Variants in BLCAP observed in about 807,000 individuals in gnomAD.
BLCAP encodes BLCAP apoptosis inducing factor.
In BLCAP, 1 loss-of-function variant was observed where a neutral mutation model predicts 5.7. The ratio of observed to expected loss-of-function variants is 0.18; its 90% confidence interval spans 0.06 to 0.83. BLCAP has a LOEUF of 0.83. Ranked by LOEUF, BLCAP falls within the 40% of genes least tolerant of loss-of-function variation. The pLI, the probability that BLCAP is intolerant of heterozygous loss-of-function variation, is 0.71. For synonymous variants in BLCAP, 48 were observed against 49.4 expected (o/e 0.97, Z 0.11); for missense variants, 66 against 107.6 (o/e 0.61, Z 1.71).
At chr20:37,522,786 C>T (rs775065905) in intron 1 of BLCAP, 4 of 1,561,304 alleles carry the variant, frequency 2.6e-6, no homozygotes, top group South Asian at 2.3e-5. Flanking sequence ...CCTGGGCGGC[C>T]GTATCATCAG....
At chr20:37,524,341 C>A (rs2071685350) in intron 1 of BLCAP, 1 of 152,340 alleles carries the variant, frequency 6.6e-6, no homozygotes, top group Non-Finnish European at 1.5e-5. Flanking sequence ...TTCTGCTTTT[C>A]CCAGCACCAG....
In BLCAP at chr20:37,517,511, T is replaced by C. The variant is rs986131451; in HGVS notation, c.*1400A>G. ...AATAGCAGTCCAGACGTTTCACAAG[T>C]ATGGCCTCACAGTCCCATTCCCTAG... On this transcript the variant is annotated 3_prime_UTR_variant, in exon 2 of 2. Transcript: ENST00000373537. 1 of 152,572 alleles carries C rather than the reference T, an allele frequency of 6.6e-6. No homozygotes were observed. The allele number at this position is 152,572 out of a possible 1,614,324, so 9.5% of individuals were successfully genotyped here. A position where few individuals can be genotyped will look rare whatever the true frequency, so the allele number is the denominator to read the frequency against.
rs750843704 is a variant in BLCAP, at chr20:37,518,792, C to A, written c.*119G>T. 4.4e-5 allele frequency: 62 copies of A among 1,402,530 alleles called. No homozygotes were observed. Among genetic ancestry groups the A allele is most frequent in the Middle Eastern group, 1.9e-4 (1 of 5,402 alleles). 86.9% of individuals were successfully genotyped at this position (1,402,530 alleles called of 1,614,324 possible). A position where few individuals can be genotyped will look rare whatever the true frequency, so the allele number is the denominator to read the frequency against. ...GATAAAACATCACAGGCCAAAAAGG[C>A]GCCGTCAGGAATGTGACACCCGCGA... is the stretch of plus-strand genomic sequence containing the variant. On this transcript the variant is annotated 3_prime_UTR_variant, in exon 2 of 2. Coordinates refer to ENST00000373537, the MANE Select transcript of BLCAP (RefSeq NM_006698.4).
At position 37,521,242 on chromosome 20, in the gene BLCAP, G is replaced by A. The variant is rs2071556465; in HGVS notation, c.-176-1892C>T. 17 of 1,379,940 alleles carry A rather than the reference G, an allele frequency of 1.2e-5. No individual in the cohort carries two copies. Among genetic ancestry groups the A allele is most frequent in the South Asian group, 2.3e-5 (2 of 85,652 alleles). 85.5% of individuals were successfully genotyped at this position (1,379,940 alleles called of 1,614,324 possible). On this transcript the variant is annotated intron_variant, in intron 1 of 1. Transcript: ENST00000373537. The surrounding 1 kb of genome is among the most constrained non-coding windows in gnomAD (Gnocchi z 4.5). ...GGGTACTTAAGGCGCGGCCACCGCGGCTGCGGCAGTGCGCCCAACAGCGGA... is the reference window on the plus strand; with the variant it reads ...GGGTACTTAAGGCGCGGCCACCGCGACTGCGGCAGTGCGCCCAACAGCGGA...
At chr20:37,523,134 A>C in intron 1 of BLCAP, 2 of 198,786 alleles carry the variant, frequency 1.0e-5, no homozygotes, top group Non-Finnish European at 2.0e-5. Context: ...GGAAATCAAA[A>C]CACCGCACCA....
Position 37,521,305 on chromosome 20 carries a change from G to C in BLCAP, c.-176-1955C>G, listed in dbSNP as rs762794212. ...CGGATCTCGGCAAACCCTCTTTCTC[G>C]ACCACCCACCTACCATTCTTGGAAC... On this transcript the variant is annotated intron_variant, in intron 1 of 1. Coordinates refer to ENST00000373537, the MANE Select transcript of BLCAP (RefSeq NM_006698.4). This position sits in a 1 kb window ranked among gnomAD's most constrained non-coding sequence, Gnocchi z 4.5. 2.3e-4 allele frequency: 367 copies of C among 1,612,262 alleles called. No individual in the cohort carries two copies. The highest frequency in any genetic ancestry group is 3.0e-4 in the Non-Finnish European group (351 of 1,178,740).
At position 37,518,791 on chromosome 20, in the gene BLCAP, G is replaced by A; in HGVS notation, c.*120C>T. Reference sequence around the variant, plus strand: ...GGATAAAACATCACAGGCCAAAAAGGCGCCGTCAGGAATGTGACACCCGCG... The same window carrying A: ...GGATAAAACATCACAGGCCAAAAAGACGCCGTCAGGAATGTGACACCCGCG... On this transcript the variant is annotated 3_prime_UTR_variant, in exon 2 of 2. Transcript: ENST00000373537. The A allele has an allele frequency of 7.2e-7, 1 of 1,397,200 alleles. No homozygotes were observed. Among genetic ancestry groups the A allele is most frequent in the Non-Finnish European group, 9.7e-7 (1 of 1,033,368 alleles). The allele number at this position is 1,397,200 out of a possible 1,614,324, so 86.6% of individuals were successfully genotyped here.
intron 1 of BLCAP, chr20:37,522,797 G>A: frequency 6.5e-7 from 1 of 1,533,564 alleles, no homozygotes; most frequent in Non-Finnish European, 8.8e-7. Flanking sequence ...GTATCATCAG[G>A]TGCTCCTGTG....
At position 37,521,146 on chromosome 20, in the gene BLCAP, T is replaced by A. The variant is rs988035536; in HGVS notation, c.-176-1796A>T. 5 of 665,370 alleles carry A rather than the reference T, an allele frequency of 7.5e-6. No individual in the cohort carries two copies. Among genetic ancestry groups the A allele is most frequent in the Non-Finnish European group, 1.3e-5 (5 of 370,418 alleles). 41.2% of individuals were successfully genotyped at this position (665,370 alleles called of 1,614,324 possible). On this transcript the variant is annotated intron_variant, in intron 1 of 1. Transcript: ENST00000373537. This position sits in a 1 kb window ranked among gnomAD's most constrained non-coding sequence, Gnocchi z 4.5. ...ATTATTTTTTTCCTCTCCTGGCGAA[T>A]GAGGAGCGCCCCCAGCCACCCCTCC...
Position 37,521,660 on chromosome 20 carries a change from G to C in BLCAP, c.-176-2310C>G. ...GGCGCGGCGGGCGACCGCTGCGGACGATCACCCAGGCATTTAGCGACCTAC... is the reference window on the plus strand; with the variant it reads ...GGCGCGGCGGGCGACCGCTGCGGACCATCACCCAGGCATTTAGCGACCTAC... On this transcript the variant is annotated intron_variant, in intron 1 of 1. Transcript: ENST00000373537. The surrounding 1 kb of genome is among the most constrained non-coding windows in gnomAD (Gnocchi z 4.5). 3 of 503,892 alleles carry C rather than the reference G, an allele frequency of 6.0e-6. No individual in the cohort carries two copies. Among genetic ancestry groups the C allele is most frequent in the Non-Finnish European group, 1.1e-5 (3 of 279,524 alleles). The allele number at this position is 503,892 out of a possible 1,614,324, so 31.2% of individuals were successfully genotyped here.
intron 1 of BLCAP, chr20:37,523,067 G>A (rs2071645227): frequency 6.0e-6 from 2 of 335,084 alleles, no homozygotes; most frequent in Non-Finnish European, 1.1e-5. Flanking sequence ...TCTGGACAAA[G>A]TCGGGACAGC....
chr20:37,522,835 C>T (rs2071634992), intron 1 of BLCAP: 2 of 1,372,380 alleles, frequency 1.5e-6, no homozygotes, highest in African/African-American at 2.9e-5. Flanking sequence ...GAGCCAGTGC[C>T]GCGCAGGAAT....
intron 1 of BLCAP, chr20:37,522,734 A>G (rs2071630244): frequency 6.2e-7 from 1 of 1,607,172 alleles, no homozygotes; most frequent in Non-Finnish European, 8.5e-7. Context: ...GTGTTGGGGG[A>G]GCGCAGGCAG....
chr20:37,523,940 C>A (rs2071675403), intron 1 of BLCAP, among the ~76,000 whole-genome samples: 1 of 152,164 alleles, frequency 6.6e-6, no homozygotes, highest in African/African-American at 2.4e-5. Flanking sequence ...GGGACCACTT[C>A]CCCCTCCCCA....
In BLCAP at chr20:37,521,078, A is replaced by T. The variant is rs375674698; in HGVS notation, c.-176-1728T>A. Reference sequence around the variant, plus strand: ...CGGAATCTTCTGGAAGGGGGCTAAGATGGAACTCAGGAGGCGGGGGTCGGT... The same window carrying T: ...CGGAATCTTCTGGAAGGGGGCTAAGTTGGAACTCAGGAGGCGGGGGTCGGT... On this transcript the variant is annotated intron_variant, in intron 1 of 1. Transcript: ENST00000373537. This position sits in a 1 kb window ranked among gnomAD's most constrained non-coding sequence, Gnocchi z 4.5. 556 of 553,212 alleles carry T rather than the reference A, an allele frequency of 1.0e-3. 12 individuals are homozygous for T. The highest frequency in any genetic ancestry group is 9.4e-3 in the South Asian group (469 of 49,978). The allele number at this position is 553,212 out of a possible 1,614,324, so 34.3% of individuals were successfully genotyped here.
intron 1 of BLCAP, chr20:37,527,590 G>C (rs1227690623): frequency 6.6e-6 from 1 of 152,374 alleles, no homozygotes; most frequent in Non-Finnish European, 1.5e-5. Flanking sequence ...GCTGGGAAGG[G>C]ACCCCCCAAG....
intron 1 of BLCAP, chr20:37,522,529 C>T (rs1443204344): frequency 4.5e-6 from 6 of 1,347,200 alleles, no homozygotes; most frequent in Non-Finnish European, 6.1e-6. Context: ...CGTGGACAAG[C>T]TGCGCCCGCG....
chr20:37,518,823 C>A lies in BLCAP; in HGVS notation c.*88G>T, dbSNP rs547832793. The A allele has an allele frequency of 2.0e-6, 3 of 1,524,602 alleles. No homozygotes were observed. The highest frequency in any genetic ancestry group is 2.6e-6 in the Non-Finnish European group (3 of 1,135,320). 94.4% of individuals were successfully genotyped at this position (1,524,602 alleles called of 1,614,324 possible). On this transcript the variant is annotated 3_prime_UTR_variant, in exon 2 of 2. Transcript: ENST00000373537. ...CAGGAATGTGACACCCGCGAGGCTG[C>A]GGGATTTGAAACTCCAATGCTTTAT... is the stretch of plus-strand genomic sequence containing the variant.
rs535686798 is a variant in BLCAP, at chr20:37,521,125, T to A, written c.-176-1775A>T. ...CGGTATGGAAAGAGCAGATGGATTA[T>A]TTTTTTCCTCTCCTGGCGAATGAGG... On this transcript the variant is annotated intron_variant, in intron 1 of 1. Coordinates refer to ENST00000373537, the MANE Select transcript of BLCAP (RefSeq NM_006698.4). This position sits in a 1 kb window ranked among gnomAD's most constrained non-coding sequence, Gnocchi z 4.5. 80 of 620,926 alleles carry A rather than the reference T, an allele frequency of 1.3e-4. 1 individual carries two copies. The South Asian group carries it at 1.4e-3, about 11-fold the overall frequency. The allele number at this position is 620,926 out of a possible 1,614,324, so 38.5% of individuals were successfully genotyped here. A position where few individuals can be genotyped will look rare whatever the true frequency, so the allele number is the denominator to read the frequency against.
Sources: allele counts gnomAD v4.1 joint callset (sites outside exome capture counted in the v4.1 genomes callset), GRCh38; gene constraint gnomAD v4.1.1; non-coding constraint Gnocchi (gnomAD v3.1); transcripts MANE v1.5; gene names NCBI Gene and HGNC (gene_info 2026-07-23, HGNC 2026-07-21).